Variants in EPHA10 observed in about 807,000 individuals in gnomAD.
EPHA10 encodes the protein EPH receptor A10.
A neutral mutation model predicts 109.7 loss-of-function variants in EPHA10; 120 were observed. The observed-to-expected ratio is 1.09, with a 90% CI of 0.94 to 1.27. EPHA10 has a LOEUF of 1.27. Among genes scored for constraint, EPHA10 ranks in the 50% most tolerant of loss-of-function variants. The pLI is 0.00. For missense variants in EPHA10, 1,396 were observed against 1,411.1 expected, an observed-to-expected ratio of 0.99 and a Z score of 0.17; for synonymous variants, 640 against 618.9, an observed-to-expected ratio of 1.03 and a Z score of -0.51.
intron 8 of EPHA10, among the ~76,000 whole-genome samples, chr1:37,726,541 T>C (rs921141806): frequency 6.6e-6 from 1 of 152,236 alleles, no homozygotes; most frequent in African/African-American, 2.4e-5. Flanking sequence ...CTCTGCTGCC[T>C]GCAAAAGGAC....
At chr1:37,756,321 A>T (rs1646392163) in intron 3 of EPHA10, among the ~76,000 whole-genome samples, 2 of 152,328 alleles carry the variant, frequency 1.3e-5, no homozygotes, top group South Asian at 2.1e-4. Flanking sequence ...CAGATAAATG[A>T]TCTGTTCGCA....
Position 37,735,325 on chromosome 1 carries a change from GC to G in EPHA10, c.1422del (p.Trp474CysfsTer34), listed in dbSNP as rs1557543496. On this transcript the variant is annotated frameshift_variant, in exon 6 of 17. Transcript: ENST00000373048. LOFTEE classifies it high-confidence loss of function. Reference protein sequence around the residue: ...RVEPQSVSLSWREPIPAGAPG... With the variant: ...RVEPQSVSLSXREPIPAGAPG... ...GGGGCTCCGGCAGGGATGGGCTCCC[GC>G]CACGACAGGGACACGCTCTGGGGTT... 1 of 1,571,278 alleles carries G rather than the reference GC, an allele frequency of 6.4e-7. No individual in the cohort carries two copies. The highest frequency in any genetic ancestry group is 2.3e-5 in the East Asian group (1 of 42,664).
chr1:37,720,169 A>G, intron 13 of EPHA10, 111 bp from the exon 14 acceptor site: 1 of 1,463,688 alleles, frequency 6.8e-7, no homozygotes, highest in Admixed American at 2.2e-5. Flanking sequence ...GCAACCCCCA[A>G]CTCCAGCTTC....
At chr1:37,723,833 G>A (rs978236537) in intron 8 of EPHA10, among the ~76,000 whole-genome samples, 6 of 152,242 alleles carry the variant, frequency 3.9e-5, no homozygotes, top group Admixed American at 6.5e-5. Flanking sequence ...GTTGGGACAC[G>A]GGACAGACAG....
At chr1:37,752,232 C>T (rs1646338507) in intron 5 of EPHA10, among the ~76,000 whole-genome samples, 1 of 152,162 alleles carries the variant, frequency 6.6e-6, no homozygotes, top group African/African-American at 2.4e-5. Context: ...TGTAGGTCTT[C>T]ACTTATTCAC....
intron 3 of EPHA10, among the ~76,000 whole-genome samples, chr1:37,759,795 T>A (rs140146249): frequency 4.8e-5 from 7 of 146,530 alleles, no homozygotes; most frequent in Non-Finnish European, 9.0e-5. Flanking sequence ...CCCCCATTTC[T>A]AAAAAAAAAA....
chr1:37,733,064 TGTTTTTTTAATAGAGACTGG>T (rs1427911256), intron 6 of EPHA10, among the ~76,000 whole-genome samples: 3 of 151,370 alleles, frequency 2.0e-5, no homozygotes, highest in African/African-American at 7.3e-5. Flanking sequence ...GGCTAATTTT[TGTTTTTTTAATAGAGACTGG>T]GTTTCGCCAT....
At position 37,748,219 on chromosome 1, in the gene EPHA10, C is replaced by T. The variant is rs367866646; in HGVS notation, c.1357+4657G>A. Among the ~76,000 whole-genome samples, 52 of 152,102 alleles carry T rather than the reference C, an allele frequency of 3.4e-4. 3 individuals are homozygous for T. Among genetic ancestry groups the T allele is most frequent in the East Asian group, 1.5e-3 (8 of 5,172 alleles). On this transcript the variant is annotated intron_variant, in intron 5 of 16. Coordinates refer to ENST00000373048, the MANE Select transcript of EPHA10 (RefSeq NM_001099439.2). ...ACTAAAAATACAAAAATTAGCTGGGCGTGGTGGTGGTTGCCTATAATCCCA... is the reference window on the plus strand; with the variant it reads ...ACTAAAAATACAAAAATTAGCTGGGTGTGGTGGTGGTTGCCTATAATCCCA...
At chr1:37,753,686 AGGGGCGAGCGGGAGCAGGG>A (rs1294797788) in intron 4 of EPHA10, among the ~76,000 whole-genome samples, 2 of 82,052 alleles carry the variant, frequency 2.4e-5, no homozygotes, top group Non-Finnish European at 5.4e-5. Context: ...GAGTGGGAGC[AGGGGCGAGCGGGAGCAGGG>A]GTGAGTGGGA....
At chr1:37,739,515 C>A (rs1569708135) in intron 5 of EPHA10, among the ~76,000 whole-genome samples, 1 of 151,926 alleles carries the variant, frequency 6.6e-6, no homozygotes, top group African/African-American at 2.4e-5. Flanking sequence ...GTAGTGAAAC[C>A]CTGTCTCTAC....
At chr1:37,720,096 G>T in intron 13 of EPHA10, 38 bp from the exon 14 acceptor site, 1 of 1,608,912 alleles carries the variant, frequency 6.2e-7, no homozygotes, top group South Asian at 1.1e-5. Flanking sequence ...GGAGGAACTG[G>T]GTGACACGCA....
At chr1:37,733,112 C>A (rs534472939) in intron 6 of EPHA10, among the ~76,000 whole-genome samples, 2 of 150,886 alleles carry the variant, frequency 1.3e-5, no homozygotes, top group Admixed American at 1.3e-4. Context: ...AGGCTGGTCT[C>A]GAACTCCTGA....
rs764457119 is a variant in EPHA10 at position 37,765,002 on chromosome 1, G to A, written c.65C>T (p.Ala22Val). The A allele has an allele frequency of 1.2e-6, 2 of 1,611,042 alleles. No individual in the cohort carries two copies. The change falls in exon 1 of 17, where the codon GCG becomes GTG. Residue 22 changes from alanine (A) to valine (V), a missense_variant. Transcript: ENST00000373048. Reference sequence around the variant, plus strand: ...AGGCCGCCAGGGTCCCAAAAGCAGCGCGAGACAGAGCTGCATCCGGCAGAG... The same window carrying A: ...AGGCCGCCAGGGTCCCAAAAGCAGCACGAGACAGAGCTGCATCCGGCAGAG... ...LFLCRMQLCL[A>V]LLLGPWRPGT... is the part of the protein sequence containing the mutation.
chr1:37,753,711 T>G (rs140199039), intron 4 of EPHA10, among the ~76,000 whole-genome samples: 2 of 12,090 alleles, frequency 1.7e-4, no homozygotes, highest in South Asian at 2.7e-3. Context: ...CAGGGGTGAG[T>G]GGGAGCAGGG....
chr1:37,743,220 A>G (rs961922052), intron 5 of EPHA10, among the ~76,000 whole-genome samples: 1 of 152,138 alleles, frequency 6.6e-6, no homozygotes, highest in African/African-American at 2.4e-5. Flanking sequence ...TAGGAACATT[A>G]TTCTGAAGAC....
In EPHA10 at chr1:37,718,584, G is replaced by C. The variant is rs1040712466; in HGVS notation, c.2912+77C>G. On this transcript the variant is annotated intron_variant, in intron 16 of 16. Transcript: ENST00000373048. Reference sequence around the variant, plus strand: ...TCCCTCCGCTTCTCTGGACAGGTTGGGACTCCCCAGTATAGGCAGGGGCAG... The same window carrying C: ...TCCCTCCGCTTCTCTGGACAGGTTGCGACTCCCCAGTATAGGCAGGGGCAG... 21 of 1,611,638 alleles carry C rather than the reference G, an allele frequency of 1.3e-5. No individual in the cohort carries two copies. In the East Asian group the frequency reaches 3.6e-4, roughly 27 times the overall value.
rs576308459 is a variant in EPHA10, at chr1:37,723,414, C to T, written c.1773-42G>A. 169 of 1,606,828 alleles carry T rather than the reference C, an allele frequency of 1.1e-4. No homozygotes were observed. The East Asian group carries it at 3.1e-3, about 30-fold the overall frequency. ...GGTCATTCTTTCAGCCAGGCCACCC[C>T]GGCCCTTCCCATTACAGAGCACTGA... On this transcript the variant is annotated intron_variant, in intron 8 of 16. Transcript: ENST00000373048.
At position 37,765,104 on chromosome 1, in the gene EPHA10, A is replaced by G. The variant is rs916643851; in HGVS notation, c.-38T>C. ...GAGCTGTCAGTCCGGCGGCGGCTCA[A>G]GCCGCGCCAGCCTAGCACCGCTGAG... On this transcript the variant is annotated 5_prime_UTR_variant, in exon 1 of 17. Coordinates refer to ENST00000373048, the MANE Select transcript of EPHA10 (RefSeq NM_001099439.2). 4 of 1,540,914 alleles carry G rather than the reference A, an allele frequency of 2.6e-6. No individual in the cohort carries two copies.
rs902778035 is a variant in EPHA10 at position 37,764,689 on chromosome 1, G to C, written c.106+272C>G. On this transcript the variant is annotated intron_variant, in intron 1 of 16. Transcript: ENST00000373048. The surrounding 1 kb of genome is among the most constrained non-coding windows in gnomAD (Gnocchi z 5.8). ...AATCACTCAGCTTGTCCGTCTCACC[G>C]GCCGCTGGACCGCCGCCTCTGGCTC... Among the ~76,000 whole-genome samples the C allele has an allele frequency of 4.0e-5, 6 of 151,690 alleles. No individual in the cohort carries two copies. The highest frequency in any genetic ancestry group is 6.6e-5 in the Admixed American group (1 of 15,222).
Sources: gnomAD v4.1 joint callset for allele counts (sites outside exome capture counted in the v4.1 genomes callset) on GRCh38, gnomAD v4.1.1 for gene constraint, Gnocchi (gnomAD v3.1) non-coding constraint, MANE v1.5 for transcripts, NCBI Gene and HGNC (gene_info 2026-07-23, HGNC 2026-07-21) for gene names.